DPP8: variants seen among roughly 807,000 people sequenced by gnomAD.
DPP8 encodes dipeptidyl peptidase 8.
In DPP8, 31 loss-of-function variants were observed where a neutral mutation model predicts 107.5. The ratio of observed to expected loss-of-function variants is 0.29; its 90% CI spans 0.22 to 0.39. The LOEUF (loss-of-function observed/expected upper bound fraction) is 0.39. DPP8 is among the 10% of genes least tolerant of loss of function. The pLI is 1.00. For synonymous variants in DPP8, 381 were observed against 356.6 expected, an observed-to-expected ratio of 1.07 and a Z score of -0.77; for missense variants, 842 against 1,076.1, an observed-to-expected ratio of 0.78 and a Z score of 3.04.
intron 1 of DPP8, chr15:65,516,845 T>G (rs889925077): frequency 6.6e-6 from 1 of 152,178 alleles, no homozygotes; most frequent in Admixed American, 6.6e-5. Flanking sequence ...TGAAAAACTA[T>G]GAATGAGGAA....
intron 19 of DPP8, among the ~76,000 whole-genome samples, chr15:65,449,695 C>A (rs1193650835): frequency 6.6e-6 from 1 of 152,142 alleles, no homozygotes; most frequent in African/African-American, 2.4e-5. Context: ...CAGGCGTGAG[C>A]CACTGCGACC....
chr15:65,459,758 C>A (rs1421287843), intron 15 of DPP8, among the ~76,000 whole-genome samples: 2 of 151,952 alleles, frequency 1.3e-5, no homozygotes, highest in Non-Finnish European at 2.9e-5. Flanking sequence ...AGTTCGAGAC[C>A]ATCTTGGCCA....
intron 19 of DPP8, among the ~76,000 whole-genome samples, chr15:65,449,933 T>G (rs74718703): frequency 0.06 from 9,168 of 152,112 alleles, 277 homozygotes; most frequent in African/African-American, 0.082. Context: ...ATGAAAAACG[T>G]GATTTGTGTT....
In DPP8 at chr15:65,443,543, T is replaced by C. The variant is rs950571674; in HGVS notation, c.*3341A>G. The C allele has an allele frequency of 6.6e-6, 1 of 151,162 alleles. No homozygotes were observed. The highest frequency in any genetic ancestry group is 1.5e-5 in the Non-Finnish European group (1 of 67,916). 9.4% of individuals were successfully genotyped at this position (151,162 alleles called of 1,614,324 possible). On this transcript the variant is annotated 3_prime_UTR_variant, in exon 20 of 20. Coordinates refer to ENST00000300141, the MANE Select transcript of DPP8 (RefSeq NM_130434.5). ...ATCAATATCGCATTCTTTTAAAAGGTAATGCATGCATTGTGACCTAATCCT... is the reference window on the plus strand; with the variant it reads ...ATCAATATCGCATTCTTTTAAAAGGCAATGCATGCATTGTGACCTAATCCT...
At chr15:65,463,302 C>G (rs1412930399) in intron 15 of DPP8, among the ~76,000 whole-genome samples, 1 of 152,010 alleles carries the variant, frequency 6.6e-6, no homozygotes, top group Non-Finnish European at 1.5e-5. Context: ...ACTTTGGGAG[C>G]CTGAGGCGGG....
chr15:65,475,160 G>A (rs1462312141), intron 11 of DPP8, among the ~76,000 whole-genome samples: 2 of 152,142 alleles, frequency 1.3e-5, no homozygotes, highest in African/African-American at 2.4e-5. Flanking sequence ...CTCTGACACT[G>A]GGGTAAAGGA....
rs367793925 is a variant in DPP8 at position 65,503,780 on chromosome 15, G to A, written c.373-3001C>T. Among the ~76,000 whole-genome samples the A allele has an allele frequency of 3.9e-5, 6 of 151,918 alleles. 1 individual carries two copies. The South Asian group carries it at 1.2e-3, about 32-fold the overall frequency. The stretch of plus-strand genomic sequence containing the variant: ...TAGGATTACAGGCACCTGCCATCAT[G>A]CCTGGCTTATTTTTTTATATTTTTA... On this transcript the variant is annotated intron_variant, in intron 3 of 19. Coordinates refer to ENST00000300141, the MANE Select transcript of DPP8 (RefSeq NM_130434.5).
In DPP8 at chr15:65,442,844, G is replaced by A. The variant is rs930348859; in HGVS notation, c.*4040C>T. 2 of 152,144 alleles carry A rather than the reference G, an allele frequency of 1.3e-5. No homozygotes were observed. The highest frequency in any genetic ancestry group is 2.4e-5 in the African/African-American group (1 of 41,440). The allele number at this position is 152,144 out of a possible 1,614,324, so 9.4% of individuals were successfully genotyped here. A position where few individuals can be genotyped will look rare whatever the true frequency, so the allele number is the denominator to read the frequency against. On this transcript the variant is annotated 3_prime_UTR_variant, in exon 20 of 20. Transcript: ENST00000300141. ...TGGCTAGGTGAGGCTGGGAAGGTGG[G>A]AATCAAAAAAGTTTCCTTTTTCCTT...
intron 17 of DPP8, among the ~76,000 whole-genome samples, chr15:65,453,354 G>T (rs1207006863): frequency 1.3e-5 from 2 of 151,954 alleles, no homozygotes; most frequent in African/African-American, 4.8e-5. Context: ...TACACTCTTT[G>T]GCATGTATCT....
At chr15:65,500,184 C>T (rs992855562) in intron 4 of DPP8, among the ~76,000 whole-genome samples, 1 of 151,992 alleles carries the variant, frequency 6.6e-6, no homozygotes, top group Non-Finnish European at 1.5e-5. Flanking sequence ...TTTGGGAGGC[C>T]GAGATGGGCA....
intron 12 of DPP8, among the ~76,000 whole-genome samples, chr15:65,468,136 C>T (rs899527192): frequency 3.3e-5 from 5 of 152,122 alleles, no homozygotes; most frequent in South Asian, 4.1e-4. Context: ...AATTACAGCA[C>T]GATTTCAAAT....
intron 3 of DPP8, 94 bp from the exon 4 acceptor site, chr15:65,500,873 CTTTTT>C (rs781459910): frequency 9.4e-4 from 308 of 328,584 alleles, no homozygotes; most frequent in Middle Eastern, 2.0e-3. Flanking sequence ...ATTATTGACT[CTTTTT>C]TTTTTTTTTT....
At chr15:65,468,610 A>G (rs1467652601) in intron 12 of DPP8, among the ~76,000 whole-genome samples, 2 of 152,206 alleles carry the variant, frequency 1.3e-5, no homozygotes, top group Admixed American at 6.5e-5. Context: ...CTTCATCACT[A>G]AACATTTTTT....
intron 16 of DPP8, 69 bp from the exon 17 acceptor site, chr15:65,454,484 T>C: frequency 7.2e-7 from 1 of 1,380,854 alleles, no homozygotes; most frequent in Non-Finnish European, 9.8e-7. Context: ...CTTTCAAAGA[T>C]GATAAATGTT....
At chr15:65,459,763 T>C (rs1207853697) in intron 15 of DPP8, among the ~76,000 whole-genome samples, 1 of 152,132 alleles carries the variant, frequency 6.6e-6, no homozygotes, top group Non-Finnish European at 1.5e-5. Context: ...GAGACCATCT[T>C]GGCCAACATG....
intron 2 of DPP8, among the ~76,000 whole-genome samples, chr15:65,510,922 C>T (rs541939652): frequency 1.9e-4 from 29 of 152,192 alleles, no homozygotes; most frequent in East Asian, 5.8e-4. Context: ...AACTGCTGTT[C>T]GCTAATCTGA....
intron 8 of DPP8, 35 bp from the exon 9 acceptor site, chr15:65,481,650 G>C: frequency 1.7e-6 from 2 of 1,178,884 alleles, no homozygotes; most frequent in Non-Finnish European, 1.2e-6. Flanking sequence ...TCTAGTTATA[G>C]AAGATTTAGA....
intron 15 of DPP8, among the ~76,000 whole-genome samples, chr15:65,462,175 G>C (rs2140442007): frequency 6.6e-6 from 1 of 151,676 alleles, no homozygotes; most frequent in African/African-American, 2.4e-5. Context: ...CGCCATGTTG[G>C]CCAGGCTGGT....
chr15:65,499,088 T>TGA (rs2068905785), intron 4 of DPP8, among the ~76,000 whole-genome samples: 1 of 121,508 alleles, frequency 8.2e-6, no homozygotes, highest in South Asian at 2.5e-4. Context: ...TGTGTGTGTG[T>TGA]GTGTGTGTGT....
Sources: allele counts gnomAD v4.1 joint callset (sites outside exome capture counted in the v4.1 genomes callset), GRCh38; gene constraint gnomAD v4.1.1; transcripts MANE v1.5; gene names NCBI Gene and HGNC (gene_info 2026-07-23, HGNC 2026-07-21).